CR2: variants seen among roughly 807,000 people sequenced by gnomAD.
The protein encoded by CR2 is complement C3d receptor 2.
CR2 carries 96 observed loss-of-function variants against 123.0 expected under a neutral mutation model. That is an observed-to-expected ratio of 0.78 (90% CI 0.66 to 0.93). The LOEUF is 0.93. Ranked by LOEUF, CR2 falls within the 40% of genes least tolerant of loss-of-function variation. The probability of loss-of-function intolerance (pLI) is 0.00; values close to 1 mark genes in which losing one functional copy is unlikely to be tolerated. For synonymous variants in CR2, 484 were observed against 469.5 expected (o/e 1.03, Z -0.40); for missense variants, 1,258 against 1,361.0 (o/e 0.92, Z 1.19).
chr1:207,466,736 C>T lies in CR2; in HGVS notation c.269C>T (p.Ser90Phe). Residue 90 changes from serine (S) to phenylalanine (F), a missense_variant, in exon 2 of 20, where the codon TCT (serine) becomes TTT (phenylalanine). Transcript: ENST00000367057. ...TGTGAATATTTCAATAAATATTCTTCTTGCCCTGAGCCCATAGTACCAGGA... is the reference window on the plus strand; with the variant it reads ...TGTGAATATTTCAATAAATATTCTTTTTGCCCTGAGCCCATAGTACCAGGA... ...PKCEYFNKYS[S>F]CPEPIVPGGY... 1 of 1,614,086 alleles carries T rather than the reference C, an allele frequency of 6.2e-7. No homozygotes were observed. Among genetic ancestry groups the T allele is most frequent in the Non-Finnish European group, 8.5e-7 (1 of 1,179,962 alleles).
At chr1:207,487,571 G>GT (rs934451222) in intron 19 of CR2, among the ~76,000 whole-genome samples, 45 of 152,260 alleles carry the variant, frequency 3.0e-4, no homozygotes, top group African/African-American at 1.0e-3. Flanking sequence ...CTCTTTCTAG[G>GT]TTTTTTTCTA....
intron 16 of CR2, among the ~76,000 whole-genome samples, chr1:207,478,420 C>T (rs886295471): frequency 2.0e-4 from 30 of 147,114 alleles, no homozygotes; most frequent in South Asian, 1.3e-3. Flanking sequence ...CCCAGCTACT[C>T]GGGTAGCTGA....
chr1:207,473,129 G>A lies in CR2; in HGVS notation c.1928G>A (p.Arg643His), dbSNP rs748735321. The A allele has an allele frequency of 1.4e-5, 22 of 1,613,828 alleles. No homozygotes were observed. Among genetic ancestry groups the A allele is most frequent in the Admixed American group, 8.3e-5 (5 of 59,974 alleles). ...GFTLKGSSQI[R>H]CKADNTWDPE... is the part of the protein sequence containing the mutation. ...ACTTTGAAGGGCAGTAGTCAGATTC[G>A]TTGCAAAGCTGATAACACCTGGGAT... is the stretch of plus-strand genomic sequence containing the variant. Residue 643 changes from arginine to histidine, a missense_variant, in exon 10 of 20, where the codon CGT (arginine) becomes CAT (histidine). Arg to His is a conservative substitution (Grantham distance 29). Coordinates refer to ENST00000367057, the MANE Select transcript of CR2 (RefSeq NM_001006658.3).
chr1:207,471,414 T>C lies in CR2; in HGVS notation c.1494-9T>C. 6.2e-7 allele frequency: 1 copy of C among 1,605,436 alleles called. No individual in the cohort carries two copies. Among genetic ancestry groups the C allele is most frequent in the Non-Finnish European group, 8.5e-7 (1 of 1,172,174 alleles). Reference sequence around the variant, plus strand: ...GATGGCAAAATGACATACGTGACTCTGTCTCTAGGTACAAGTTAAGTGGGA... The same window carrying C: ...GATGGCAAAATGACATACGTGACTCCGTCTCTAGGTACAAGTTAAGTGGGA... On this transcript the variant is annotated splice_polypyrimidine_tract_variant and intron_variant, in intron 8 of 19. Transcript: ENST00000367057.
intron 1 of CR2, among the ~76,000 whole-genome samples, chr1:207,456,383 G>A (rs1657835841): frequency 6.6e-6 from 1 of 152,152 alleles, no homozygotes. Flanking sequence ...ATAAAATGTA[G>A]GTTCCTGGTT....
intron 8 of CR2, 101 bp from the exon 9 acceptor site, chr1:207,471,322 G>A: frequency 9.9e-7 from 1 of 1,011,060 alleles, no homozygotes; most frequent in Non-Finnish European, 1.6e-6. Flanking sequence ...TGTTGCTATT[G>A]CTTCTTGGCC....
intron 18 of CR2, among the ~76,000 whole-genome samples, chr1:207,483,705 G>T (rs1218545273): frequency 6.6e-6 from 1 of 152,086 alleles, no homozygotes; most frequent in Non-Finnish European, 1.5e-5. Flanking sequence ...AGGCGATGAG[G>T]TGGACCCCCT....
At chr1:207,467,671 T>TATTG (rs772228164) in intron 2 of CR2, among the ~76,000 whole-genome samples, 1 of 152,186 alleles carries the variant, frequency 6.6e-6, no homozygotes, top group Non-Finnish European at 1.5e-5. Context: ...GGATTCTGTT[T>TATTG]ATTGATTGAT....
intron 13 of CR2, 91 bp from the exon 14 acceptor site, chr1:207,474,733 T>C (rs1428985325): frequency 4.6e-6 from 6 of 1,314,562 alleles, no homozygotes; most frequent in Non-Finnish European, 6.6e-6. Context: ...ATGTGAAATA[T>C]ATGCAGTTGC....
chr1:207,470,289 G>A (rs1213500743), intron 6 of CR2, among the ~76,000 whole-genome samples, 187 bp downstream of exon 6: 2 of 152,024 alleles, frequency 1.3e-5, no homozygotes, highest in African/African-American at 4.8e-5. Context: ...TATTTTGTGG[G>A]AATATGCTTG....
chr1:207,470,817 A>G lies in CR2; in HGVS notation c.1303A>G (p.Ile435Val). 1.9e-6 allele frequency: 3 copies of G among 1,613,942 alleles called. No individual in the cohort carries two copies. Among genetic ancestry groups the G allele is most frequent in the South Asian group, 1.1e-5 (1 of 91,080 alleles). Residue 435 changes from isoleucine to valine, a missense_variant, in exon 7 of 20, where the codon ATA becomes GTA. Transcript: ENST00000367057. ...HMVRFDPGTS[I>V]KYSCNPGYVL... ...GGTCCGCTTTGACCCTGGAACATCT[A>G]TAAAATATAGCTGTAACCCTGGCTA...
chr1:207,465,853 A>G (rs895375442), intron 1 of CR2, among the ~76,000 whole-genome samples: 1 of 152,194 alleles, frequency 6.6e-6, no homozygotes, highest in Non-Finnish European at 1.5e-5. Flanking sequence ...GCTTTTTCAA[A>G]GTGTTCCAGC....
chr1:207,470,760 A>T lies in CR2; in HGVS notation c.1246A>T (p.Ile416Phe), dbSNP rs751627502. 1 of 1,613,702 alleles carries T rather than the reference A, an allele frequency of 6.2e-7. No homozygotes were observed. Among genetic ancestry groups the T allele is most frequent in the Non-Finnish European group, 8.5e-7 (1 of 1,179,822 alleles). ...CEKECQAPPN[I>F]LNGQKEDRHM... The stretch of plus-strand genomic sequence containing the variant: ...TTTAGAATGCCAGGCCCCTCCTAAC[A>T]TCCTCAATGGGCAAAAGGAAGATAG... The change falls in exon 7 of 20, where the codon ATC becomes TTC. Residue 416 changes from isoleucine to phenylalanine, a missense_variant. By Grantham distance (21) the Ile-to-Phe change is conservative. Transcript: ENST00000367057.
rs369925043 is a variant in CR2, at chr1:207,468,340, A to AT, written c.446-177dup. 3,476 of 560,930 alleles carry AT rather than the reference A, an allele frequency of 6.2e-3. 26 individuals are homozygous for AT. The highest frequency in any genetic ancestry group is 0.033 in the African/African-American group (1,739 of 52,104). The allele number at this position is 560,930 out of a possible 1,614,324, so 34.7% of individuals were successfully genotyped here. ...ATAAACTTTCTTAAACCATTATGAG[A>AT]TTTTTTTTTTGCAATTTTTTTAGCT... On this transcript the variant is annotated intron_variant, in intron 2 of 19. Transcript: ENST00000367057.
intron 1 of CR2, among the ~76,000 whole-genome samples, chr1:207,458,073 C>CACACACACACACATACACACACACACAT (rs1657880251): frequency 2.0e-5 from 3 of 149,192 alleles, no homozygotes; most frequent in African/African-American, 5.0e-5. Flanking sequence ...CACACACACA[C>CACACACACACACATACACACACACACAT]ACACACACAC....
chr1:207,477,815 G>C, intron 15 of CR2, 70 bp from the exon 16 acceptor site: 2 of 1,402,650 alleles, frequency 1.4e-6, no homozygotes, highest in Non-Finnish European at 2.0e-6. Flanking sequence ...TTTCTATTAA[G>C]GGAAATTTCT....
At position 207,473,199 on chromosome 1, in the gene CR2, GA is replaced by G. The variant is rs368822564; in HGVS notation, c.1978+26del. 2.5e-6 allele frequency: 4 copies of G among 1,610,586 alleles called. No homozygotes were observed. Among genetic ancestry groups the G allele is most frequent in the African/African-American group, 1.3e-5 (1 of 74,800 alleles). On this transcript the variant is annotated intron_variant, in intron 10 of 19. Transcript: ENST00000367057. ...AAAAAGGTAAAAACCCAATAAGGGG[GA>G]AAAAAGGAGAGATTTACTTAATTAT...
chr1:207,458,059 A>AACACACACACACACACACAC lies in CR2; in HGVS notation c.58+3604_58+3623dup, dbSNP rs59735642. On this transcript the variant is annotated intron_variant, in intron 1 of 19. Transcript: ENST00000367057. The stretch of plus-strand genomic sequence containing the variant: ...ACACAATTCCCTACCTCAAGGCCAC[A>AACACACACACACACACACAC]ACACACACACACACACACACACACA... Among the ~76,000 whole-genome samples, 149 of 122,650 alleles carry AACACACACACACACACACAC rather than the reference A, an allele frequency of 1.2e-3. 1 individual carries two copies. The highest frequency in any genetic ancestry group is 3.0e-3 in the Admixed American group (36 of 11,936). The allele number at this position is 122,650 out of a possible 152,430, so 80.5% of individuals were successfully genotyped here. A position where few individuals can be genotyped will look rare whatever the true frequency, so the allele number is the denominator to read the frequency against.
chr1:207,486,498 G>T (rs1658753512), intron 19 of CR2, among the ~76,000 whole-genome samples: 1 of 152,156 alleles, frequency 6.6e-6, no homozygotes, highest in Admixed American at 6.6e-5. Flanking sequence ...AAGTGTGCTA[G>T]GTCATGGTAA....
Sources: allele counts gnomAD v4.1 joint callset (sites outside exome capture counted in the v4.1 genomes callset), GRCh38; gene constraint gnomAD v4.1.1; transcripts MANE v1.5; gene names NCBI Gene and HGNC (gene_info 2026-07-23, HGNC 2026-07-21).